OCLN: variants seen among roughly 807,000 people sequenced by gnomAD.
The protein encoded by OCLN is phosphatase 1, regulatory subunit 115.
In OCLN, 21 loss-of-function variants were observed where a neutral mutation model predicts 47.9. The observed-to-expected ratio is 0.44, with a 90% CI of 0.31 to 0.63. The LOEUF (loss-of-function observed/expected upper bound fraction) is 0.63. Ranked by LOEUF, OCLN falls within the 30% of genes least tolerant of loss-of-function variation. The pLI, the probability that OCLN is intolerant of heterozygous loss-of-function variation, is 0.08. For missense variants in OCLN, 360 were observed against 571.0 expected (o/e 0.63, Z 3.77); for synonymous variants, 117 against 198.4 (o/e 0.59, Z 3.45).
At chr5:69,504,146 G>T in intron 1 of OCLN, 31 bp from the exon 2 acceptor site, 1 of 829,528 alleles carries the variant, frequency 1.2e-6, no homozygotes, top group Non-Finnish European at 2.1e-6. Flanking sequence ...GAGCTTAGTA[G>T]TAATGCCATA....
At chr5:69,532,494 T>C (rs567448447) in intron 4 of OCLN, among the ~76,000 whole-genome samples, 11 of 152,352 alleles carry the variant, frequency 7.2e-5, no homozygotes, top group Middle Eastern at 3.4e-3. Context: ...TTGATTTTTT[T>C]CCCACACTTT....
chr5:69,510,867 GAA>G (rs1055657080), intron 3 of OCLN, among the ~76,000 whole-genome samples: 1 of 152,144 alleles, frequency 6.6e-6, no homozygotes, highest in Non-Finnish European at 1.5e-5. Context: ...ATTCACATCA[GAA>G]ATGTATGAAA....
chr5:69,550,784 T>TA (rs1220587578), intron 7 of OCLN, among the ~76,000 whole-genome samples: 1 of 39,786 alleles, frequency 2.5e-5, no homozygotes, highest in African/African-American at 7.3e-5. Context: ...AGTGAACATT[T>TA]ATTGATCACT....
chr5:69,536,648 G>T (rs549817851), intron 5 of OCLN, among the ~76,000 whole-genome samples: 79 of 148,910 alleles, frequency 5.3e-4, no homozygotes, highest in Non-Finnish European at 1.0e-3. Context: ...TCCAGCCTGC[G>T]TGACAAAGTG....
intron 4 of OCLN, among the ~76,000 whole-genome samples, chr5:69,524,060 A>G (rs533670666): frequency 6.6e-5 from 10 of 152,050 alleles, no homozygotes; most frequent in Non-Finnish European, 7.4e-5. Context: ...GAGGTGGGAA[A>G]TCACCTGAAC....
At chr5:69,525,676 T>A (rs990435978) in intron 4 of OCLN, among the ~76,000 whole-genome samples, 3 of 152,148 alleles carry the variant, frequency 2.0e-5, no homozygotes, top group Admixed American at 1.3e-4. Flanking sequence ...TTTTATGGGG[T>A]AAAGGTCAAC....
intron 3 of OCLN, among the ~76,000 whole-genome samples, chr5:69,511,347 G>T (rs973030309): frequency 6.6e-5 from 10 of 151,798 alleles, no homozygotes; most frequent in Non-Finnish European, 8.8e-5. Context: ...CCTCCAAAGT[G>T]CTGGGATTAC....
At chr5:69,497,993 G>T (rs551467770) in intron 1 of OCLN, among the ~76,000 whole-genome samples, 1 of 151,316 alleles carries the variant, frequency 6.6e-6, no homozygotes, top group Non-Finnish European at 1.5e-5. Context: ...TTAGCCGGGC[G>T]TAGTGGCGGG....
intron 4 of OCLN, among the ~76,000 whole-genome samples, chr5:69,519,458 T>A (rs948680440): frequency 6.6e-6 from 1 of 152,098 alleles, no homozygotes; most frequent in Admixed American, 6.6e-5. Context: ...TTCTTAGGGC[T>A]TTTTTTCCCC....
At chr5:69,504,046 G>C in intron 1 of OCLN, 131 bp from the exon 2 acceptor site, 1 of 621,236 alleles carries the variant, frequency 1.6e-6, no homozygotes, top group South Asian at 1.9e-5. Context: ...GCTGCAGTGA[G>C]CTGTGATTGG....
At chr5:69,513,554 A>G (rs887772440) in intron 3 of OCLN, among the ~76,000 whole-genome samples, 1 of 152,228 alleles carries the variant, frequency 6.6e-6, no homozygotes, top group Non-Finnish European at 1.5e-5. Flanking sequence ...AGCATTTTTC[A>G]GGCCCTTTAG....
At chr5:69,515,420 C>G (rs1176149703) in intron 4 of OCLN, among the ~76,000 whole-genome samples, 10 of 142,584 alleles carry the variant, frequency 7.0e-5, no homozygotes, top group Admixed American at 6.8e-4. Context: ...GACCCCCCTA[C>G]CTCCCTCCCA....
chr5:69,510,662 C>T (rs564429227), intron 3 of OCLN, among the ~76,000 whole-genome samples: 1 of 152,042 alleles, frequency 6.6e-6, no homozygotes, highest in Admixed American at 6.5e-5. Flanking sequence ...CCAGCCTGAG[C>T]GACAGAGCAA....
Position 69,526,107 on chromosome 5 carries a change from G to T in OCLN, c.892-8587G>T, listed in dbSNP as rs1056300454. Among the ~76,000 whole-genome samples the T allele has an allele frequency of 5.3e-5, 8 of 152,208 alleles. No homozygotes were observed. The East Asian group carries it at 1.5e-3, about 29-fold the overall frequency. On this transcript the variant is annotated intron_variant, in intron 4 of 8. Transcript: ENST00000396442. ...CTACGTCAGTAGTTCTCAAACTTTT[G>T]CAGGCAACAGAATCACCTGGAGGGC... is the stretch of plus-strand genomic sequence containing the variant.
intron 2 of OCLN, among the ~76,000 whole-genome samples, chr5:69,505,409 C>T (rs1046612467): frequency 6.6e-6 from 1 of 152,164 alleles, no homozygotes; most frequent in Admixed American, 6.5e-5. Context: ...TCATTACTCT[C>T]CAAAGAAACC....
At chr5:69,502,255 T>C (rs557316149) in intron 1 of OCLN, 4 of 151,740 alleles carry the variant, frequency 2.6e-5, no homozygotes, top group Non-Finnish European at 4.4e-5. Context: ...TCTGAATTGA[T>C]GTACTGTTGT....
intron 1 of OCLN, among the ~76,000 whole-genome samples, chr5:69,494,145 A>G (rs574386555): frequency 4.6e-5 from 7 of 152,226 alleles, no homozygotes; most frequent in African/African-American, 1.7e-4. Context: ...AAGTGTAACA[A>G]TAGTAACAGT....
intron 4 of OCLN, among the ~76,000 whole-genome samples, chr5:69,528,133 G>T (rs1271893588): frequency 6.6e-6 from 1 of 152,050 alleles, no homozygotes; most frequent in Non-Finnish European, 1.5e-5. Context: ...CTTTCCAGTC[G>T]ATTTTGAAGC....
intron 5 of OCLN, among the ~76,000 whole-genome samples, chr5:69,538,095 T>C (rs1258712263): frequency 6.6e-6 from 1 of 150,514 alleles, no homozygotes; most frequent in East Asian, 1.9e-4. Context: ...TATTGTCAAG[T>C]ATTATATACT....
Sources: allele counts gnomAD v4.1 joint callset (sites outside exome capture counted in the v4.1 genomes callset), GRCh38; gene constraint gnomAD v4.1.1; transcripts MANE v1.5; gene names NCBI Gene and HGNC (gene_info 2026-07-23, HGNC 2026-07-21).